PCCA: variants seen among roughly 807,000 people sequenced by gnomAD.
The protein encoded by PCCA is propionyl-CoA carboxylase alpha chain, mitochondrial.
PCCA carries 74 observed loss-of-function variants against 101.3 expected under a neutral mutation model. The ratio of observed to expected loss-of-function variants is 0.73; its 90% CI spans 0.61 to 0.89. The LOEUF (loss-of-function observed/expected upper bound fraction) is 0.89. Among genes scored for constraint, PCCA ranks in the 40% least tolerant of loss-of-function variants. The probability of loss-of-function intolerance (pLI) is 0.00; values close to 1 mark genes in which losing one functional copy is unlikely to be tolerated. For synonymous variants in PCCA, 294 were observed against 313.6 expected, an observed-to-expected ratio of 0.94 and a Z score of 0.66; for missense variants, 891 against 907.0, an observed-to-expected ratio of 0.98 and a Z score of 0.23.
chr13:100,131,997 G>T (rs923703219), intron 4 of PCCA, among the ~76,000 whole-genome samples: 1 of 152,130 alleles, frequency 6.6e-6, no homozygotes, highest in Non-Finnish European at 1.5e-5. Context: ...AGACCTGAAG[G>T]GGGTGACAAG....
Position 100,348,727 on chromosome 13 carries a change from C to CCTTTCTTTCTTT in PCCA, c.1643+8520_1643+8531dup, listed in dbSNP as rs139583993. ...TCAGCTTTTACTTTCCGTTTTTTTT[C>CCTTTCTTTCTTT]CTTTCTTTCTTTCTTTCTTTCTTTC... is the stretch of plus-strand genomic sequence containing the variant. On this transcript the variant is annotated intron_variant, in intron 18 of 23. Transcript: ENST00000376285. Among the ~76,000 whole-genome samples, 17 of 99,592 alleles carry CCTTTCTTTCTTT rather than the reference C, an allele frequency of 1.7e-4. No individual in the cohort carries two copies. The East Asian group carries it at 2.0e-3, about 12-fold the overall frequency. 65.3% of individuals were successfully genotyped at this position (99,592 alleles called of 152,430 possible).
intron 2 of PCCA, chr13:100,104,354 C>T (rs1594099416): frequency 6.6e-6 from 1 of 152,134 alleles, no homozygotes; most frequent in East Asian, 1.9e-4. Flanking sequence ...CTGTCCCCAT[C>T]CAAATCTCAT....
intron 21 of PCCA, among the ~76,000 whole-genome samples, chr13:100,508,182 A>T (rs181726136): frequency 6.6e-6 from 1 of 152,162 alleles, no homozygotes; most frequent in Non-Finnish European, 1.5e-5. Flanking sequence ...CATTCCTTCA[A>T]TGCTGTTGAT....
chr13:100,222,319 C>T (rs767252811), intron 7 of PCCA, among the ~76,000 whole-genome samples: 10 of 152,044 alleles, frequency 6.6e-5, no homozygotes, highest in East Asian at 1.9e-4. Context: ...TTGGGTGATC[C>T]GCCCTCCTCA....
chr13:100,170,586 T>C (rs972672799), intron 6 of PCCA, among the ~76,000 whole-genome samples: 1 of 152,232 alleles, frequency 6.6e-6, no homozygotes, highest in Non-Finnish European at 1.5e-5. Context: ...CCAACCTACC[T>C]ATGGTGTAGC....
rs761171010 is a variant in PCCA at position 100,155,101 on chromosome 13, GAAT to G, written c.414+10_414+12del. ...AAACCAGGGCCCAAGCTGTGAGTCTGAATGAATCTATCTACTGCAGCTGTTTCA... is the reference window on the plus strand; with the variant it reads ...AAACCAGGGCCCAAGCTGTGAGTCTGGAATCTATCTACTGCAGCTGTTTCA... On this transcript the variant is annotated intron_variant, in intron 5 of 23. Transcript: ENST00000376285. The G allele has an allele frequency of 6.5e-7, 1 of 1,539,838 alleles. No homozygotes were observed.
chr13:100,494,914 G>C (rs1171106887), intron 21 of PCCA, among the ~76,000 whole-genome samples: 1 of 151,998 alleles, frequency 6.6e-6, no homozygotes, highest in Admixed American at 6.6e-5. Flanking sequence ...AATCCTCCCT[G>C]CTCCCAAAAT....
intron 6 of PCCA, among the ~76,000 whole-genome samples, chr13:100,158,261 G>T (rs945540344): frequency 1.3e-5 from 2 of 152,224 alleles, no homozygotes. Context: ...ACTGTCATAC[G>T]TGTGGTGCCT....
intron 6 of PCCA, among the ~76,000 whole-genome samples, chr13:100,199,502 C>T (rs957209831): frequency 3.3e-5 from 5 of 152,154 alleles, no homozygotes; most frequent in East Asian, 3.9e-4. Context: ...CACTGCATGG[C>T]GATGCTATAG....
chr13:100,122,117 G>C (rs887043124), intron 4 of PCCA, among the ~76,000 whole-genome samples: 1 of 152,114 alleles, frequency 6.6e-6, no homozygotes, highest in African/African-American at 2.4e-5. Flanking sequence ...TGATCATGTG[G>C]TTTTTGTCCT....
At chr13:100,335,487 C>A (rs557319910) in intron 17 of PCCA, among the ~76,000 whole-genome samples, 1 of 152,280 alleles carries the variant, frequency 6.6e-6, no homozygotes, top group Non-Finnish European at 1.5e-5. Flanking sequence ...TCAGAAGTCT[C>A]AATAATTATT....
chr13:100,138,951 A>G (rs953048167), intron 4 of PCCA, among the ~76,000 whole-genome samples: 24 of 150,868 alleles, frequency 1.6e-4, no homozygotes, highest in Admixed American at 1.6e-3. Flanking sequence ...AAAAAAAAAA[A>G]AAAAAAGAAA....
chr13:100,344,660 C>A (rs12874460), intron 18 of PCCA, among the ~76,000 whole-genome samples: 28 of 152,156 alleles, frequency 1.8e-4, no homozygotes, highest in African/African-American at 6.7e-4. Context: ...TTTAAATAAA[C>A]GTGGAAAATC....
intron 20 of PCCA, among the ~76,000 whole-genome samples, chr13:100,431,140 G>A (rs2079523486): frequency 6.6e-6 from 1 of 151,984 alleles, no homozygotes; most frequent in Non-Finnish European, 1.5e-5. Flanking sequence ...TTTCCTGACT[G>A]GTGGGTTTAG....
rs184637581 is a variant in PCCA, at chr13:100,489,625, A to C, written c.1900-25802A>C. Among the ~76,000 whole-genome samples, 51 of 152,368 alleles carry C rather than the reference A, an allele frequency of 3.3e-4. 1 individual carries two copies. The East Asian group carries it at 7.7e-3, about 23-fold the overall frequency. On this transcript the variant is annotated intron_variant, in intron 21 of 23. Transcript: ENST00000376285. ...AATATTGTAAAATGTCAAGTGTTGC[A>C]AATAACATTGTTAACTGAAAGTGAC... is the stretch of plus-strand genomic sequence containing the variant.
At chr13:100,162,765 A>T (rs6491546) in intron 6 of PCCA, among the ~76,000 whole-genome samples, 121,030 of 152,180 alleles carry the variant, frequency 0.8, 48,345 homozygotes, top group East Asian at 0.99. Context: ...TGATGCCTTT[A>T]ACCACTCGTT....
At chr13:100,141,021 T>C (rs1287901926) in intron 4 of PCCA, among the ~76,000 whole-genome samples, 2 of 152,212 alleles carry the variant, frequency 1.3e-5, no homozygotes, top group African/African-American at 4.8e-5. Context: ...ATGACTCAAC[T>C]GCAGTAATAT....
At chr13:100,303,039 C>A in intron 14 of PCCA, 41 bp downstream of exon 14, 1 of 1,096,210 alleles carries the variant, frequency 9.1e-7, no homozygotes, top group Non-Finnish European at 1.4e-6. Context: ...GGGTTAAAAT[C>A]GTGATTTATG....
chr13:100,398,380 G>A (rs1449773245), intron 19 of PCCA, among the ~76,000 whole-genome samples: 1 of 152,120 alleles, frequency 6.6e-6, no homozygotes, highest in African/African-American at 2.4e-5. Flanking sequence ...TCTTGGTTGA[G>A]TATAGCATTC....
Sources: allele counts gnomAD v4.1 joint callset (sites outside exome capture counted in the v4.1 genomes callset), GRCh38; gene constraint gnomAD v4.1.1; transcripts MANE v1.5; gene names NCBI Gene and HGNC (gene_info 2026-07-23, HGNC 2026-07-21).